CREB5: variants seen among roughly 807,000 people sequenced by gnomAD.
CREB5 encodes the protein cAMP responsive element binding protein 5.
Under a neutral mutation model 57.1 loss-of-function variants are expected in CREB5, and 19 were observed. The ratio of observed to expected loss-of-function variants is 0.33; its 90% CI spans 0.23 to 0.49. CREB5 has a LOEUF of 0.49. CREB5 is among the 20% of genes least tolerant of loss of function. The probability of loss-of-function intolerance (pLI) is 0.99; values close to 1 mark genes in which losing one functional copy is unlikely to be tolerated. For missense variants in CREB5, 579 were observed against 671.6 expected (o/e 0.86, Z 1.52); for synonymous variants, 238 against 238.3 (o/e 1.00, Z 0.01).
intron 8 of CREB5, 61 bp from the exon 9 acceptor site, chr7:28,809,126 T>A: frequency 6.8e-7 from 1 of 1,480,340 alleles, no homozygotes; most frequent in Non-Finnish European, 9.1e-7. Flanking sequence ...CTTGGGTTTC[T>A]TCCCTTACCT....
chr7:28,363,114 GA>G (rs1786522950), intron 1 of CREB5, among the ~76,000 whole-genome samples: 1 of 152,130 alleles, frequency 6.6e-6, no homozygotes, highest in South Asian at 2.1e-4. Context: ...AAGAATTATG[GA>G]TGACATTAGT....
intron 5 of CREB5, among the ~76,000 whole-genome samples, chr7:28,648,344 T>A (rs1403288307): frequency 6.6e-6 from 1 of 152,128 alleles, no homozygotes; most frequent in Non-Finnish European, 1.5e-5. Flanking sequence ...AAAAAGAGTA[T>A]CCAACTCAAT....
chr7:28,620,909 C>T (rs191909908), intron 5 of CREB5, among the ~76,000 whole-genome samples: 11 of 152,306 alleles, frequency 7.2e-5, no homozygotes, highest in Admixed American at 6.5e-4. Flanking sequence ...TAACATTTCG[C>T]AAACCCAATA....
At chr7:28,780,321 A>T (rs1200894007) in intron 7 of CREB5, among the ~76,000 whole-genome samples, 1 of 152,224 alleles carries the variant, frequency 6.6e-6, no homozygotes, top group Admixed American at 6.5e-5. Context: ...TGTACTCTGC[A>T]CTGCAGAAAA....
chr7:28,759,124 G>A (rs977782016), intron 7 of CREB5, among the ~76,000 whole-genome samples: 2 of 152,116 alleles, frequency 1.3e-5, no homozygotes, highest in African/African-American at 4.8e-5. Flanking sequence ...GTACAGGCAC[G>A]CAGACACATA....
intron 1 of CREB5, among the ~76,000 whole-genome samples, chr7:28,435,348 A>G (rs373345488): frequency 6.7e-6 from 1 of 149,420 alleles, no homozygotes; most frequent in Non-Finnish European, 1.5e-5. Context: ...TGTGATTGTC[A>G]GTGGGGATGT....
At chr7:28,566,848 C>A (rs1795503320) in intron 4 of CREB5, among the ~76,000 whole-genome samples, 2 of 152,100 alleles carry the variant, frequency 1.3e-5, no homozygotes, top group Non-Finnish European at 2.9e-5. Flanking sequence ...GAGCTTTTTC[C>A]ATTTCTGGTA....
chr7:28,623,404 A>G (rs537059397), intron 5 of CREB5, among the ~76,000 whole-genome samples: 2 of 152,340 alleles, frequency 1.3e-5, no homozygotes, highest in African/African-American at 2.4e-5. Flanking sequence ...GAGTCTTTAT[A>G]TGTCAAAATA....
chr7:28,788,200 G>A (rs1177971650), intron 7 of CREB5, among the ~76,000 whole-genome samples: 1 of 152,116 alleles, frequency 6.6e-6, no homozygotes. Context: ...ATTGTAGAAT[G>A]TTGTTTAGCA....
rs1318904243 is a variant in CREB5 at position 28,744,148 on chromosome 7, A to G, written c.702+19816A>G. ...AGTTTACTGAGAATGATGGTTTCCA[A>G]TTTCATCCATGTCCCTACAAAGGAT... On this transcript the variant is annotated intron_variant, in intron 7 of 10. Transcript: ENST00000357727. 2.8e-5 allele frequency among the ~76,000 whole-genome samples: 4 copies of G among 144,338 alleles called. No individual in the cohort carries two copies. The East Asian group carries it at 8.1e-4, about 29-fold the overall frequency. 94.7% of individuals were successfully genotyped at this position (144,338 alleles called of 152,430 possible).
At chr7:28,614,056 C>A (rs2128679675) in intron 5 of CREB5, among the ~76,000 whole-genome samples, 1 of 152,244 alleles carries the variant, frequency 6.6e-6, no homozygotes, top group South Asian at 2.1e-4. Context: ...AACTACCAGC[C>A]TCAAGAGATC....
At chr7:28,742,238 T>G (rs1434944169) in intron 7 of CREB5, among the ~76,000 whole-genome samples, 1 of 151,966 alleles carries the variant, frequency 6.6e-6, no homozygotes, top group African/African-American at 2.4e-5. Flanking sequence ...CTGAACTAAT[T>G]GAAGCAATTC....
intron 3 of CREB5, among the ~76,000 whole-genome samples, chr7:28,504,535 C>A (rs550089967): frequency 6.6e-6 from 1 of 152,194 alleles, no homozygotes; most frequent in Admixed American, 6.5e-5. Context: ...TCTTTTAGTG[C>A]TTCAACTACA....
intron 5 of CREB5, among the ~76,000 whole-genome samples, chr7:28,603,431 A>T (rs1362251701): frequency 1.3e-5 from 2 of 152,132 alleles, no homozygotes; most frequent in Non-Finnish European, 2.9e-5. Flanking sequence ...TTGAAAGTAA[A>T]ATTGGGCAGT....
At chr7:28,802,078 GAAAAAAA>G (rs35658848) in intron 7 of CREB5, among the ~76,000 whole-genome samples, 32 of 26,650 alleles carry the variant, frequency 1.2e-3, no homozygotes, top group South Asian at 3.0e-3. Context: ...GACTCCATCT[GAAAAAAA>G]AAAAAAAAAA....
At chr7:28,355,500 T>G (rs964709208) in intron 1 of CREB5, among the ~76,000 whole-genome samples, 1 of 152,218 alleles carries the variant, frequency 6.6e-6, no homozygotes. Flanking sequence ...TTCAAGCAAT[T>G]TATGTTAATA....
intron 4 of CREB5, among the ~76,000 whole-genome samples, chr7:28,555,712 A>G (rs189750801): frequency 5.5e-4 from 84 of 152,354 alleles, no homozygotes; most frequent in Non-Finnish European, 9.7e-4. Context: ...TTAGCATAAG[A>G]ACATAAGCAT....
chr7:28,546,112 G>A (rs1234841240), intron 4 of CREB5, among the ~76,000 whole-genome samples: 1 of 152,078 alleles, frequency 6.6e-6, no homozygotes, highest in African/African-American at 2.4e-5. Flanking sequence ...TGCCTATTCT[G>A]GACATTTCAT....
intron 3 of CREB5, among the ~76,000 whole-genome samples, chr7:28,502,695 C>CTT (rs1259927240): frequency 3.3e-5 from 5 of 152,178 alleles, no homozygotes; most frequent in Admixed American, 6.5e-5. Context: ...ACATTATTTT[C>CTT]ACAGTCCTTT....
Sources: gnomAD v4.1 joint callset for allele counts (sites outside exome capture counted in the v4.1 genomes callset) on GRCh38, gnomAD v4.1.1 for gene constraint, MANE v1.5 for transcripts, NCBI Gene and HGNC (gene_info 2026-07-23, HGNC 2026-07-21) for gene names.